CMKLR2: variants seen among roughly 807,000 people sequenced by gnomAD.
CMKLR2 encodes the protein chemerin-like receptor 2.
Under a neutral mutation model 23.0 loss-of-function variants are expected in CMKLR2, and 18 were observed. The ratio of observed to expected loss-of-function variants is 0.78; its 90% CI spans 0.54 to 1.16. The LOEUF (loss-of-function observed/expected upper bound fraction) is 1.16, where lower values mean the gene tolerates loss of function less well. CMKLR2 is among the 50% of genes most tolerant of loss of function. CMKLR2 has a pLI of 0.00. For missense variants in CMKLR2, 401 were observed against 412.7 expected (o/e 0.97, Z 0.25); for synonymous variants, 158 against 158.9 (o/e 0.99, Z 0.05).
rs1356763826 is a variant in CMKLR2, at chr2:206,175,997, G to A, written c.*183C>T. 2 of 438,566 alleles carry A rather than the reference G, an allele frequency of 4.6e-6. No homozygotes were observed. The highest frequency in any genetic ancestry group is 2.0e-5 in the African/African-American group (1 of 49,440). 27.2% of individuals were successfully genotyped at this position (438,566 alleles called of 1,614,324 possible). A position where few individuals can be genotyped will look rare whatever the true frequency, so the allele number is the denominator to read the frequency against. ...AAAAAAATTTATTGCCACATCACAA[G>A]GAGTCAAGAGGATCCTTCCTAAGTT... On this transcript the variant is annotated 3_prime_UTR_variant, in exon 2 of 2. Coordinates refer to ENST00000621141, the MANE Select transcript of CMKLR2 (RefSeq NM_001389445.1).
chr2:206,207,683 T>C (rs1200704402), intron 1 of CMKLR2, among the ~76,000 whole-genome samples: 1 of 136,746 alleles, frequency 7.3e-6, no homozygotes, highest in Non-Finnish European at 1.5e-5. Flanking sequence ...TTAGCAAAAG[T>C]GGTGAAGAAC....
intron 1 of CMKLR2, among the ~76,000 whole-genome samples, chr2:206,192,253 T>G (rs973705481): frequency 2.0e-5 from 3 of 151,780 alleles, no homozygotes; most frequent in South Asian, 2.1e-4. Flanking sequence ...GTACTAGGAT[T>G]GCAAAAATGA....
chr2:206,217,093 GA>G (rs537894217), upstream of CMKLR2, among the ~76,000 whole-genome samples: 22 of 148,550 alleles, frequency 1.5e-4, no homozygotes, highest in Admixed American at 6.0e-4. Context: ...GTTGTTGTTT[GA>G]AAAAAAAAAT....
At position 206,175,505 on chromosome 2, in the gene CMKLR2, AT is replaced by A. The variant is rs1688176959; in HGVS notation, c.*674del. On this transcript the variant is annotated 3_prime_UTR_variant, in exon 2 of 2. Coordinates refer to ENST00000621141, the MANE Select transcript of CMKLR2 (RefSeq NM_001389445.1). ...ATATATTTATTTATCTATTTTATTT[AT>A]TTATTTTTGAGACAGAGTTTTACTC... The A allele has an allele frequency of 6.6e-6, 1 of 152,022 alleles. No individual in the cohort carries two copies. The highest frequency in any genetic ancestry group is 2.1e-4 in the South Asian group (1 of 4,826). The allele number at this position is 152,022 out of a possible 1,614,324, so 9.4% of individuals were successfully genotyped here.
chr2:206,184,505 C>T (rs540917721), intron 1 of CMKLR2, among the ~76,000 whole-genome samples: 1 of 152,216 alleles, frequency 6.6e-6, no homozygotes, highest in African/African-American at 2.4e-5. Flanking sequence ...CTATATTGGC[C>T]AGGCTGGTCT....
At chr2:206,191,699 G>C (rs2105815394) in intron 1 of CMKLR2, among the ~76,000 whole-genome samples, 1 of 148,270 alleles carries the variant, frequency 6.7e-6, no homozygotes, top group South Asian at 2.1e-4. Context: ...ACAGGGTCTG[G>C]CTGTGTCACC....
intron 1 of CMKLR2, among the ~76,000 whole-genome samples, chr2:206,191,220 T>G (rs549453160): frequency 5.3e-5 from 8 of 152,260 alleles, no homozygotes; most frequent in African/African-American, 1.7e-4. Flanking sequence ...AAAATGGGAA[T>G]AGTAATAGCA....
intron 1 of CMKLR2, among the ~76,000 whole-genome samples, chr2:206,183,713 G>A (rs1048746044): frequency 2.6e-5 from 4 of 152,174 alleles, no homozygotes; most frequent in African/African-American, 9.7e-5. Flanking sequence ...TGATGATGGT[G>A]AGGGGTAGGG....
chr2:206,216,488 C>T (rs6720480), upstream of CMKLR2, among the ~76,000 whole-genome samples: 47,853 of 151,958 alleles, frequency 0.31, 7,786 homozygotes, highest in African/African-American at 0.37. Flanking sequence ...CACTGTATTG[C>T]GCAGGCAGGT....
rs181440352 is a variant in CMKLR2 at position 206,188,135 on chromosome 2, C to T, written c.-28-10860G>A. ...TTTTAGTAGAGACAAGGTTTTGCCA[C>T]GTTGGACAGGCTGGCCTTGAACTCC... is the stretch of plus-strand genomic sequence containing the variant. On this transcript the variant is annotated intron_variant, in intron 1 of 1. Coordinates refer to ENST00000621141, the MANE Select transcript of CMKLR2 (RefSeq NM_001389445.1). Among the ~76,000 whole-genome samples the T allele has an allele frequency of 7.0e-4, 107 of 152,232 alleles. 1 individual carries two copies. The highest frequency in any genetic ancestry group is 2.3e-3 in the African/African-American group (97 of 41,546).
At chr2:206,201,651 A>G (rs1460472048) in intron 1 of CMKLR2, among the ~76,000 whole-genome samples, 1 of 151,954 alleles carries the variant, frequency 6.6e-6, no homozygotes, top group African/African-American at 2.4e-5. Context: ...GGGATGAGAC[A>G]GCTAAAAAAA....
At chr2:206,191,078 A>C (rs933165640) in intron 1 of CMKLR2, among the ~76,000 whole-genome samples, 1 of 152,226 alleles carries the variant, frequency 6.6e-6, no homozygotes, top group African/African-American at 2.4e-5. Flanking sequence ...TATAATGTAA[A>C]TATCAGGCAA....
intron 1 of CMKLR2, among the ~76,000 whole-genome samples, chr2:206,204,384 C>A (rs1032666949): frequency 6.8e-6 from 1 of 146,988 alleles, no homozygotes; most frequent in South Asian, 2.1e-4. Context: ...AGTGCAATAT[C>A]ATTGTTATGA....
rs71034421 is a variant in CMKLR2, at chr2:206,179,055, CTTTTTTTTTTTTTTTTTTTTTTTTT to C, written c.-28-1805_-28-1781del. On this transcript the variant is annotated intron_variant, in intron 1 of 1. Transcript: ENST00000621141. ...TTTATTTTGTGCCCGCTCCCTGTCC[CTTTTTTTTTTTTTTTTTTTTTTTTT>C]TTTTTTTTTTTTGAGACAGAATTTT... 1.0e-4 allele frequency among the ~76,000 whole-genome samples: 5 copies of C among 49,318 alleles called. No homozygotes were observed. The Admixed American group carries it at 1.1e-3, about 11-fold the overall frequency. 32.4% of individuals were successfully genotyped at this position (49,318 alleles called of 152,430 possible).
rs138622486 is a variant in CMKLR2 at position 206,185,324 on chromosome 2, G to A, written c.-28-8049C>T. ...CAATAAGGTGGTCTGAGAAAGACTC[G>A]TTGAAAAAATAACTGCAAAGGCTTG... On this transcript the variant is annotated intron_variant, in intron 1 of 1. Coordinates refer to ENST00000621141, the MANE Select transcript of CMKLR2 (RefSeq NM_001389445.1). Among the ~76,000 whole-genome samples, 23 of 152,226 alleles carry A rather than the reference G, an allele frequency of 1.5e-4. No individual in the cohort carries two copies. The East Asian group carries it at 3.5e-3, about 23-fold the overall frequency.
At chr2:206,188,236 A>G (rs1434189258) in intron 1 of CMKLR2, among the ~76,000 whole-genome samples, 1 of 152,142 alleles carries the variant, frequency 6.6e-6, no homozygotes, top group Non-Finnish European at 1.5e-5. Context: ...ACCCAGCAGC[A>G]TTAGGTCTTT....
At position 206,176,903 on chromosome 2, in the gene CMKLR2, G is replaced by T. The variant is rs372858527; in HGVS notation, c.345C>A (p.Phe115Leu). 9.3e-6 allele frequency: 15 copies of T among 1,614,196 alleles called. No individual in the cohort carries two copies. The highest frequency in any genetic ancestry group is 1.3e-5 in the Non-Finnish European group (15 of 1,180,032). ...FGIWLCKANS[F>L]TAQLNMFASV... ...TGGCAAACATGTTCAACTGGGCAGT[G>T]AAGGAATTGGCTTTGCACAGCCAGA... The change falls in exon 2 of 2, where the codon TTC becomes TTA. Residue 115 changes from phenylalanine (F) to leucine (L), a missense_variant. Physicochemically the swap from Phe to Leu is conservative, Grantham distance 22. Coordinates refer to ENST00000621141, the MANE Select transcript of CMKLR2 (RefSeq NM_001389445.1).
At chr2:206,179,062 T>A (rs1335808952) in intron 1 of CMKLR2, among the ~76,000 whole-genome samples, 1 of 42,184 alleles carries the variant, frequency 2.4e-5, no homozygotes, top group Non-Finnish European at 4.5e-5. Flanking sequence ...TCCCTTTTTT[T>A]TTTTTTTTTT....
At chr2:206,189,504 G>T (rs1252004823) in intron 1 of CMKLR2, among the ~76,000 whole-genome samples, 1 of 152,070 alleles carries the variant, frequency 6.6e-6, no homozygotes, top group South Asian at 2.1e-4. Context: ...GTGTGGTTGT[G>T]CGTGCCTGTA....
Sources: gnomAD v4.1 joint callset for allele counts (sites outside exome capture counted in the v4.1 genomes callset) on GRCh38, gnomAD v4.1.1 for gene constraint, MANE v1.5 for transcripts, NCBI Gene and HGNC (gene_info 2026-07-23, HGNC 2026-07-21) for gene names.